Variants in DLG2 observed in about 807,000 individuals in gnomAD.
DLG2 encodes discs large MAGUK scaffold protein 2, also known as disks large homolog 2.
Under a neutral mutation model 132.5 loss-of-function variants are expected in DLG2, and 45 were observed. The observed-to-expected ratio is 0.34, with a 90% CI of 0.27 to 0.44. The LOEUF is 0.44. DLG2 is among the 20% of genes least tolerant of loss of function. The pLI is 1.00. For synonymous variants in DLG2, 424 were observed against 419.6 expected, an observed-to-expected ratio of 1.01 and a Z score of -0.13; for missense variants, 1,045 against 1,196.9, an observed-to-expected ratio of 0.87 and a Z score of 1.87.
At chr11:85,353,132 A>C (rs1392146363) in intron 3 of DLG2, among the ~76,000 whole-genome samples, 5 of 152,220 alleles carry the variant, frequency 3.3e-5, no homozygotes, top group African/African-American at 4.8e-5. Context: ...AACTTAAACA[A>C]ATTTACAAGA....
At chr11:83,599,746 T>C (rs2058219441) in intron 19 of DLG2, among the ~76,000 whole-genome samples, 1 of 152,226 alleles carries the variant, frequency 6.6e-6, no homozygotes, top group Admixed American at 6.5e-5. Context: ...CTGGTTAGTA[T>C]CTTTTTGAGT....
intron 6 of DLG2, among the ~76,000 whole-genome samples, chr11:84,852,824 A>C (rs2082319696): frequency 1.3e-5 from 2 of 151,946 alleles, no homozygotes; most frequent in African/African-American, 4.8e-5. Context: ...AGAACAGTTT[A>C]ATCTTCAAAA....
chr11:85,106,169 G>A (rs1021287504), intron 6 of DLG2, among the ~76,000 whole-genome samples: 1 of 83,844 alleles, frequency 1.2e-5, no homozygotes, highest in African/African-American at 6.5e-5. Flanking sequence ...AGAAGTGTCT[G>A]TTTTTACTGA....
At chr11:84,213,088 C>A (rs543160955) in intron 8 of DLG2, among the ~76,000 whole-genome samples, 1 of 152,266 alleles carries the variant, frequency 6.6e-6, no homozygotes, top group East Asian at 1.9e-4. Flanking sequence ...TTACCAACTC[C>A]CTAGGCCTTG....
Position 84,024,853 on chromosome 11 carries a change from T to C in DLG2, c.919+34462A>G, listed in dbSNP as rs569536319. On this transcript the variant is annotated intron_variant, in intron 11 of 27. Coordinates refer to ENST00000376104, the MANE Select transcript of DLG2 (RefSeq NM_001142699.3). ...GGGTTCTATTGCCAAACCCGGTGAA[T>C]ATAGTTAATAATAGACTATTGTATA... Among the ~76,000 whole-genome samples, 22 of 151,562 alleles carry C rather than the reference T, an allele frequency of 1.5e-4. No homozygotes were observed. In the South Asian group the frequency reaches 4.4e-3, roughly 30 times the overall value.
chr11:85,152,143 AATT>A (rs1171423425), intron 5 of DLG2, among the ~76,000 whole-genome samples: 16 of 152,186 alleles, frequency 1.1e-4, no homozygotes, highest in African/African-American at 3.1e-4. Flanking sequence ...GCCTAAAAAT[AATT>A]AAGAGCAATG....
intron 11 of DLG2, among the ~76,000 whole-genome samples, chr11:84,046,253 G>A (rs1434308760): frequency 6.6e-6 from 1 of 151,542 alleles, no homozygotes; most frequent in Non-Finnish European, 1.5e-5. Flanking sequence ...TGGTGCAAAA[G>A]TAATTGTGTG....
At chr11:84,757,636 G>A (rs943606693) in intron 6 of DLG2, among the ~76,000 whole-genome samples, 4 of 152,162 alleles carry the variant, frequency 2.6e-5, no homozygotes, top group African/African-American at 9.7e-5. Flanking sequence ...TGGTGATGAT[G>A]ATGATTTCCC....
chr11:83,887,394 A>T (rs2068237805), intron 15 of DLG2, among the ~76,000 whole-genome samples: 2 of 151,966 alleles, frequency 1.3e-5, no homozygotes, highest in South Asian at 4.2e-4. Flanking sequence ...CCAAGACTAA[A>T]CCAGGAAGAA....
chr11:85,155,706 C>A (rs2077540827), intron 4 of DLG2, among the ~76,000 whole-genome samples: 1 of 151,928 alleles, frequency 6.6e-6, no homozygotes, highest in Non-Finnish European at 1.5e-5. Context: ...CCTATCTCTA[C>A]TAAAAATATA....
chr11:85,518,105 G>A (rs1293041945), intron 3 of DLG2, among the ~76,000 whole-genome samples: 2 of 152,256 alleles, frequency 1.3e-5, no homozygotes, highest in South Asian at 4.1e-4. Context: ...TCAGCAGCAT[G>A]AAAACAGACT....
chr11:84,537,045 C>T (rs893805720), intron 6 of DLG2, among the ~76,000 whole-genome samples: 1 of 142,622 alleles, frequency 7.0e-6, no homozygotes, highest in Non-Finnish European at 1.5e-5. Context: ...GGACAGAATA[C>T]AAGCTTTCTT....
intron 4 of DLG2, among the ~76,000 whole-genome samples, chr11:85,246,319 A>G (rs942895911): frequency 3.3e-5 from 5 of 152,032 alleles, no homozygotes; most frequent in Non-Finnish European, 7.4e-5. Flanking sequence ...AGAAACATGC[A>G]TCAGACTAGC....
At chr11:84,841,811 G>C (rs2080731852) in intron 6 of DLG2, among the ~76,000 whole-genome samples, 1 of 151,600 alleles carries the variant, frequency 6.6e-6, no homozygotes, top group South Asian at 2.1e-4. Flanking sequence ...TTAGTCTTAG[G>C]TCTTCCTAAG....
At chr11:85,249,114 T>C (rs530011964) in intron 4 of DLG2, among the ~76,000 whole-genome samples, 6 of 152,108 alleles carry the variant, frequency 3.9e-5, no homozygotes, top group Admixed American at 6.6e-5. Flanking sequence ...ATGAATATTG[T>C]AGGTTTGACA....
At chr11:84,298,187 T>C (rs917023486) in intron 7 of DLG2, among the ~76,000 whole-genome samples, 5 of 152,212 alleles carry the variant, frequency 3.3e-5, no homozygotes, top group African/African-American at 1.2e-4. Context: ...TTGGTTATAC[T>C]ATCTATTATC....
chr11:85,196,456 G>A (rs185404419), intron 4 of DLG2, among the ~76,000 whole-genome samples: 1 of 152,128 alleles, frequency 6.6e-6, no homozygotes, highest in Non-Finnish European at 1.5e-5. Context: ...TTTCACAGCT[G>A]GTTCCTAGTG....
chr11:84,863,668 G>A (rs1010889565), intron 6 of DLG2, among the ~76,000 whole-genome samples: 1 of 152,106 alleles, frequency 6.6e-6, no homozygotes, highest in Non-Finnish European at 1.5e-5. Context: ...AAAAAGGCAA[G>A]GAAGGAGCTT....
At chr11:83,597,453 C>T (rs1565982555) in intron 19 of DLG2, among the ~76,000 whole-genome samples, 6 of 151,970 alleles carry the variant, frequency 3.9e-5, no homozygotes, top group Non-Finnish European at 7.4e-5. Flanking sequence ...TTTGGGAGGC[C>T]GAGGTGGCAG....
Sources: allele counts gnomAD v4.1 joint callset (sites outside exome capture counted in the v4.1 genomes callset), GRCh38; gene constraint gnomAD v4.1.1; transcripts MANE v1.5; gene names NCBI Gene and HGNC (gene_info 2026-07-23, HGNC 2026-07-21).